The following FAN1 variants were observed in gnomAD, a reference collection of about 807,000 sequenced individuals.
FAN1 encodes the protein fanconi-associated nuclease 1.
Under a neutral mutation model 104.9 loss-of-function variants are expected in FAN1, and 91 were observed. That is an observed-to-expected ratio of 0.87 (90% CI 0.73 to 1.03). The LOEUF is 1.03. Ranked by LOEUF, FAN1 falls within the 50% of genes least tolerant of loss-of-function variation. The pLI is 0.00. For missense variants in FAN1, 1,263 were observed against 1,239.9 expected, an observed-to-expected ratio of 1.02 and a Z score of -0.28; for synonymous variants, 478 against 457.6, an observed-to-expected ratio of 1.04 and a Z score of -0.57.
chr15:30,909,561 C>T (rs2062053337), intron 3 of FAN1, among the ~76,000 whole-genome samples: 1 of 152,192 alleles, frequency 6.6e-6, no homozygotes, highest in Non-Finnish European at 1.5e-5. Flanking sequence ...CTTGACTTAC[C>T]TTCAAATGAG....
At chr15:30,937,361 TTTGAC>T in intron 14 of FAN1, 102 bp downstream of exon 14, 11 of 1,127,416 alleles carry the variant, frequency 9.8e-6, no homozygotes, top group South Asian at 1.6e-5. Context: ...AACCTGATAG[TTTGAC>T]TTGTCATTTT....
rs1170312334 is a variant in FAN1 at position 30,904,830 on chromosome 15, T to G, written c.167T>G (p.Leu56Ter). 1 of 1,613,444 alleles carries G rather than the reference T, an allele frequency of 6.2e-7. No individual in the cohort carries two copies. Among genetic ancestry groups the G allele is most frequent in the Admixed American group, 1.7e-5 (1 of 60,010 alleles). ...AGTAAAATGGTGCCTAGATATGACTTAAACCGGCACCTTGATGAAATGTGT... is the reference window on the plus strand; with the variant it reads ...AGTAAAATGGTGCCTAGATATGACTGAAACCGGCACCTTGATGAAATGTGT... ...VCSKMVPRYDLNRHLDEMCAN... is the reference protein window; with the variant it reads ...VCSKMVPRYD The change falls in exon 2 of 15, where the codon TTA becomes TGA. Residue 56 changes from leucine (L) to a stop codon, truncating the protein, a stop_gained. Transcript: ENST00000362065. LOFTEE classifies it high-confidence loss of function.
At chr15:30,928,918 C>T (rs566113394) in intron 11 of FAN1, 13 of 473,838 alleles carry the variant, frequency 2.7e-5, no homozygotes, top group South Asian at 9.0e-5. Context: ...TCAGCCCTCC[C>T]GAGCACCTGC....
At chr15:30,941,197 G>C in intron 14 of FAN1, 10 of 1,357,402 alleles carry the variant, frequency 7.4e-6, no homozygotes, top group Non-Finnish European at 9.7e-6. Flanking sequence ...AAAATGGATG[G>C]AGACAAAAAT....
rs1300538636 is a variant in FAN1, at chr15:30,905,290, T to C, written c.627T>C (p.Ser209=). Reference sequence around the variant, plus strand: ...ACGAGGATCAAATTTTGGAGAACAGTTCTCAAAAAGAAAACGTGTTTAAAT... The same window carrying C: ...ACGAGGATCAAATTTTGGAGAACAGCTCTCAAAAAGAAAACGTGTTTAAAT... ...IEDEDQILEN[S]SQKENVFKCD... Residue 209 remains serine (S), a synonymous_variant, in exon 2 of 15, where the codon AGT becomes AGC. Coordinates refer to ENST00000362065, the MANE Select transcript of FAN1 (RefSeq NM_014967.5). The C allele has an allele frequency of 3.1e-6, 5 of 1,613,880 alleles. No homozygotes were observed. The highest frequency in any genetic ancestry group is 4.2e-6 in the Non-Finnish European group (5 of 1,180,028).
chr15:30,904,901 A>G lies in FAN1; in HGVS notation c.238A>G (p.Ile80Val), dbSNP rs1343225404. The G allele has an allele frequency of 1.2e-6, 2 of 1,614,060 alleles. No individual in the cohort carries two copies. Among genetic ancestry groups the G allele is most frequent in the Admixed American group, 1.7e-5 (1 of 60,028 alleles). ...AGTGGATCCAGGGCAGGTTGGCTTA[A>G]TAAATTCAAATGTGTCTATGGTAGA... Reference protein sequence around the residue: ...VQVDPGQVGLINSNVSMVDLT... With the variant: ...VQVDPGQVGLVNSNVSMVDLT... The change falls in exon 2 of 15, where the codon ATA (isoleucine) becomes GTA (valine). Residue 80 changes from isoleucine (I) to valine (V), a missense_variant. Transcript: ENST00000362065.
chr15:30,941,084 C>T (rs540987910), intron 14 of FAN1: 3 of 1,216,964 alleles, frequency 2.5e-6, no homozygotes, highest in Non-Finnish European at 3.1e-6. Context: ...ATCAGATGCT[C>T]CTAAAAATGA....
rs1350104588 is a variant in FAN1 at position 30,942,980 on chromosome 15, C to G, written c.*1418C>G. On this transcript the variant is annotated 3_prime_UTR_variant, in exon 15 of 15. Coordinates refer to ENST00000362065, the MANE Select transcript of FAN1 (RefSeq NM_014967.5). ...AGGGGTTATGGAAAAGGGTGCGATCCTTTGCTGTAAACTGGAGAGACCAGT... is the reference window on the plus strand; with the variant it reads ...AGGGGTTATGGAAAAGGGTGCGATCGTTTGCTGTAAACTGGAGAGACCAGT... 2.0e-5 allele frequency: 31 copies of G among 1,555,002 alleles called. No homozygotes were observed. Among genetic ancestry groups the G allele is most frequent in the Non-Finnish European group, 2.7e-5 (31 of 1,148,150 alleles).
chr15:30,904,516 A>G lies in FAN1; in HGVS notation c.-148A>G, dbSNP rs1372262875. The G allele has an allele frequency of 1.2e-6, 1 of 805,032 alleles. No homozygotes were observed. Among genetic ancestry groups the G allele is most frequent in the Non-Finnish European group, 2.1e-6 (1 of 467,432 alleles). The allele number at this position is 805,032 out of a possible 1,614,324, so 49.9% of individuals were successfully genotyped here. On this transcript the variant is annotated 5_prime_UTR_variant, in exon 2 of 15. Coordinates refer to ENST00000362065, the MANE Select transcript of FAN1 (RefSeq NM_014967.5). ...TATATGTGTTTCTTCTTGTAGGAAGAAGAAATTGTCGAGACGAATAACATG... is the reference window on the plus strand; with the variant it reads ...TATATGTGTTTCTTCTTGTAGGAAGGAGAAATTGTCGAGACGAATAACATG...
At position 30,904,527 on chromosome 15, in the gene FAN1, G is replaced by C; in HGVS notation, c.-137G>C. On this transcript the variant is annotated 5_prime_UTR_variant, in exon 2 of 15. Transcript: ENST00000362065. ...CTTCTTGTAGGAAGAAGAAATTGTC[G>C]AGACGAATAACATGAGGTCATATAG... is the stretch of plus-strand genomic sequence containing the variant. 8 of 830,984 alleles carry C rather than the reference G, an allele frequency of 9.6e-6. No homozygotes were observed. Among genetic ancestry groups the C allele is most frequent in the Non-Finnish European group, 1.6e-5 (8 of 487,874 alleles). The allele number at this position is 830,984 out of a possible 1,614,324, so 51.5% of individuals were successfully genotyped here. A position where few individuals can be genotyped will look rare whatever the true frequency, so the allele number is the denominator to read the frequency against.
At chr15:30,927,459 C>T in intron 10 of FAN1, 1 of 985,644 alleles carries the variant, frequency 1.0e-6, no homozygotes, top group Non-Finnish European at 1.2e-6. Flanking sequence ...CTAGAACTGA[C>T]AGGAAGACAG....
intron 8 of FAN1, 60 bp downstream of exon 8, chr15:30,922,414 A>G: frequency 2.6e-6 from 4 of 1,513,228 alleles, no homozygotes; most frequent in African/African-American, 1.4e-5. Context: ...CTTTTAAAAT[A>G]TGGCAAACTT....
In FAN1 at chr15:30,905,680, T is replaced by C. The variant is rs763337121; in HGVS notation, c.1017T>C (p.Ala339=). The stretch of plus-strand genomic sequence containing the variant: ...CTGCATGGAGTAACATCCAAGAGGC[T>C]CCTCTGCAGGATGACAGTTGCTTAA... ...DASAWSNIQE[A]PLQDDSCLNN... Residue 339 remains alanine, a synonymous_variant, in exon 2 of 15, where the codon GCT becomes GCC. Coordinates refer to ENST00000362065, the MANE Select transcript of FAN1 (RefSeq NM_014967.5). 2.5e-6 allele frequency: 4 copies of C among 1,614,012 alleles called. No homozygotes were observed. The African/African-American group carries it at 5.3e-5, about 22-fold the overall frequency.
At chr15:30,918,724 T>C (rs2140922114) in intron 6 of FAN1, among the ~76,000 whole-genome samples, 1 of 152,362 alleles carries the variant, frequency 6.6e-6, no homozygotes, top group African/African-American at 2.4e-5. Context: ...ACTTTCCAGG[T>C]ACACAGCACA....
intron 8 of FAN1, among the ~76,000 whole-genome samples, chr15:30,924,888 C>T (rs989032553): frequency 2.0e-5 from 3 of 152,190 alleles, no homozygotes; most frequent in Non-Finnish European, 2.9e-5. Context: ...CCACTGTCCA[C>T]CTGGATTACA....
chr15:30,924,668 T>C (rs1447397301), intron 8 of FAN1, among the ~76,000 whole-genome samples: 1 of 152,230 alleles, frequency 6.6e-6, no homozygotes, highest in African/African-American at 2.4e-5. Flanking sequence ...CCATGGTTCT[T>C]GACTGCATAT....
rs77609304 is a variant in FAN1 at position 30,913,984 on chromosome 15, G to A, written c.1704G>A (p.Gln568=). 3.1e-6 allele frequency: 5 copies of A among 1,614,160 alleles called. No individual in the cohort carries two copies. The East Asian group carries it at 1.1e-4, about 36-fold the overall frequency. The part of the protein sequence containing the change: ...MEDEDAACGG[Q]GQLSTVLLVN... ...ATGAAGACGCCGCTTGTGGAGGTCA[G>A]GGACAGCTTTCAACAGTCCTGTTGG... The change falls in exon 5 of 15, where the codon CAG becomes CAA. Residue 568 remains glutamine, a synonymous_variant. Transcript: ENST00000362065.
chr15:30,941,423 GA>G, intron 14 of FAN1, 142 bp from the exon 15 acceptor site: 2 of 1,565,768 alleles, frequency 1.3e-6, no homozygotes, highest in Non-Finnish European at 8.6e-7. Context: ...TAATTCAGAG[GA>G]AAAAAGTTGA....
At chr15:30,906,457 T>C (rs945374956) in intron 2 of FAN1, 1 of 456,624 alleles carries the variant, frequency 2.2e-6, no homozygotes, top group African/African-American at 2.0e-5. Context: ...TACTAGTCTA[T>C]GCCTGAAGTC....
Sources: gnomAD v4.1 joint callset for allele counts (sites outside exome capture counted in the v4.1 genomes callset) on GRCh38, gnomAD v4.1.1 for gene constraint, MANE v1.5 for transcripts, NCBI Gene and HGNC (gene_info 2026-07-23, HGNC 2026-07-21) for gene names.